Variants in PDE1C observed in about 807,000 individuals in gnomAD.
PDE1C encodes phosphodiesterase 1C, also known as dual specificity calcium/calmodulin-dependent 3',5'-cyclic nucleotide phosphodiesterase 1C.
A neutral mutation model predicts 93.1 loss-of-function variants in PDE1C; 62 were observed. The ratio of observed to expected loss-of-function variants is 0.67; its 90% CI spans 0.54 to 0.82. PDE1C has a LOEUF of 0.82. Among genes scored for constraint, PDE1C ranks in the 40% least tolerant of loss-of-function variants. The probability of loss-of-function intolerance (pLI) is 0.00; values close to 1 mark genes in which losing one functional copy is unlikely to be tolerated. For missense variants in PDE1C, 742 were observed against 884.6 expected, an observed-to-expected ratio of 0.84 and a Z score of 2.04; for synonymous variants, 325 against 310.1, an observed-to-expected ratio of 1.05 and a Z score of -0.50.
upstream of PDE1C, among the ~76,000 whole-genome samples, chr7:32,072,261 A>G (rs926433969): frequency 2.6e-5 from 4 of 152,330 alleles, no homozygotes; most frequent in South Asian, 2.1e-4. Context: ...CTGTTTGATG[A>G]AAAACGACTT....
At position 32,060,885 on chromosome 7, in the gene PDE1C, C is replaced by T. The variant is rs868166557; in HGVS notation, c.102-9305G>A. On this transcript the variant is annotated intron_variant, in intron 1 of 17. Transcript: ENST00000396191. ...TTAAATTCCTCACAGTTAGCAGACA[C>T]GGTTTCCAGTGACACCCACATGGAA... Among the ~76,000 whole-genome samples the T allele has an allele frequency of 7.9e-5, 12 of 152,162 alleles. No individual in the cohort carries two copies. In the South Asian group the frequency reaches 1.0e-3, roughly 13 times the overall value.
chr7:31,689,796 A>C, the PDE1C span, among the ~76,000 whole-genome samples: 1 of 152,160 alleles, frequency 6.6e-6, no homozygotes, highest in Non-Finnish European at 1.5e-5. Flanking sequence ...ATTCATGATA[A>C]AAGTATCTTC....
At chr7:32,019,967 T>C (rs952961445) in intron 2 of PDE1C, among the ~76,000 whole-genome samples, 1 of 152,082 alleles carries the variant, frequency 6.6e-6, no homozygotes, top group Non-Finnish European at 1.5e-5. Context: ...GATGTAGCTT[T>C]GAGAATTAAG....
chr7:32,061,848 T>C (rs151109268), intron 1 of PDE1C, among the ~76,000 whole-genome samples: 141 of 152,316 alleles, frequency 9.3e-4, no homozygotes, highest in African/African-American at 3.2e-3. Flanking sequence ...TATACATAAA[T>C]TTTTGGTCTT....
intron 16 of PDE1C, chr7:31,790,255 T>C (rs1315118812): frequency 6.2e-7 from 1 of 1,612,358 alleles, no homozygotes; most frequent in South Asian, 1.1e-5. Flanking sequence ...TTTACTCTTG[T>C]GAATCTGAAA....
chr7:32,180,811 G>T (rs1803347107), intron 2 of PDE1C, among the ~76,000 whole-genome samples: 1 of 152,148 alleles, frequency 6.6e-6, no homozygotes, highest in African/African-American at 2.4e-5. Flanking sequence ...AATATAACTG[G>T]CTTTCTGGAA....
intron 1 of PDE1C, among the ~76,000 whole-genome samples, chr7:32,378,676 C>A (rs1448137605): frequency 6.6e-6 from 1 of 152,154 alleles, no homozygotes; most frequent in African/African-American, 2.4e-5. Context: ...CCAACTGGAC[C>A]CACCAACTAG....
At chr7:32,044,297 T>TA (rs1236738180) in intron 2 of PDE1C, among the ~76,000 whole-genome samples, 7 of 152,014 alleles carry the variant, frequency 4.6e-5, no homozygotes, top group Admixed American at 4.6e-4. Context: ...GAAAGGATCA[T>TA]AAAAAAATCA....
chr7:32,125,826 T>A (rs1293333961), intron 3 of PDE1C, among the ~76,000 whole-genome samples: 1 of 151,942 alleles, frequency 6.6e-6, no homozygotes, highest in East Asian at 1.9e-4. Context: ...TGCATATGTA[T>A]CCTAGAACTT....
chr7:31,805,497 A>G lies in PDE1C; in HGVS notation c.1891+3534T>C, dbSNP rs1310034768. Among the ~76,000 whole-genome samples, 4 of 151,580 alleles carry G rather than the reference A, an allele frequency of 2.6e-5. No individual in the cohort carries two copies. The South Asian group carries it at 8.3e-4, about 32-fold the overall frequency. ...TTCTCTCCAGTATTTTATTCTGTTA[A>G]CTAAAGCCATCTTGGTCTTCCTGGA... is the stretch of plus-strand genomic sequence containing the variant. On this transcript the variant is annotated intron_variant, in intron 16 of 17. Transcript: ENST00000396191.
chr7:32,083,041 G>A (rs1314880210), intron 3 of PDE1C, among the ~76,000 whole-genome samples: 9 of 151,290 alleles, frequency 5.9e-5, no homozygotes, highest in East Asian at 3.9e-4. Flanking sequence ...GGCTTCAGAC[G>A]ATCAAACTAC....
intron 1 of PDE1C, among the ~76,000 whole-genome samples, chr7:32,410,510 C>G (rs147660316): frequency 6.6e-6 from 1 of 152,050 alleles, no homozygotes; most frequent in Non-Finnish European, 1.5e-5. Flanking sequence ...TAAAACAGAG[C>G]GGTACTGGCA....
chr7:31,820,695 T>C (rs1490291994), intron 14 of PDE1C: 1 of 152,106 alleles, frequency 6.6e-6, no homozygotes, highest in Non-Finnish European at 1.5e-5. Context: ...AGAAAACAGA[T>C]GCGAACTAGA....
At chr7:32,349,519 G>C (rs1249385080) in intron 1 of PDE1C, among the ~76,000 whole-genome samples, 3 of 152,226 alleles carry the variant, frequency 2.0e-5, no homozygotes, top group African/African-American at 7.2e-5. Flanking sequence ...ACTCTCTGGA[G>C]AGGTGTTTTC....
intron 2 of PDE1C, among the ~76,000 whole-genome samples, chr7:31,921,940 G>C (rs1251761321): frequency 1.3e-5 from 2 of 152,098 alleles, no homozygotes; most frequent in African/African-American, 2.4e-5. Context: ...AAGTCTATGA[G>C]ATACGTATTT....
chr7:31,722,160 C>T, the PDE1C span, among the ~76,000 whole-genome samples: 2 of 152,054 alleles, frequency 1.3e-5, no homozygotes, highest in Non-Finnish European at 2.9e-5. Flanking sequence ...TTCCATCTCA[C>T]CCCTGGTGAG....
the PDE1C span, among the ~76,000 whole-genome samples, chr7:31,625,858 A>G: frequency 6.6e-6 from 1 of 152,186 alleles, no homozygotes; most frequent in Non-Finnish European, 1.5e-5. Flanking sequence ...CTATTTTATA[A>G]ATGCTTAAAA....
At chr7:31,965,743 G>A (rs560669591) in intron 2 of PDE1C, among the ~76,000 whole-genome samples, 1 of 152,364 alleles carries the variant, frequency 6.6e-6, no homozygotes, top group East Asian at 1.9e-4. Context: ...AAGCCCATCA[G>A]ACTAACAGCT....
chr7:32,214,530 G>A lies in PDE1C; in HGVS notation c.86-4991C>T, dbSNP rs183618730. Among the ~76,000 whole-genome samples the A allele has an allele frequency of 2.8e-4, 43 of 152,256 alleles. No individual in the cohort carries two copies. In the South Asian group the frequency reaches 6.6e-3, roughly 24 times the overall value. On this transcript the variant is annotated intron_variant, in intron 1 of 18. Transcript: ENST00000396193. ...AAGCCCCTGATCCCAGTGAGCAGCC[G>A]AAGTTGAGAAGCACTAATAAATGGT... is the stretch of plus-strand genomic sequence containing the variant.
Sources: gnomAD v4.1 joint callset for allele counts (sites outside exome capture counted in the v4.1 genomes callset) on GRCh38, gnomAD v4.1.1 for gene constraint, MANE v1.5 for transcripts, NCBI Gene and HGNC (gene_info 2026-07-23, HGNC 2026-07-21) for gene names.